GRIP1: variants seen among roughly 807,000 people sequenced by gnomAD.
GRIP1 encodes the protein glutamate receptor-interacting protein 1.
Under a neutral mutation model 129.9 loss-of-function variants are expected in GRIP1, and 45 were observed. The ratio of observed to expected loss-of-function variants is 0.35; its 90% CI spans 0.27 to 0.44. GRIP1 has a LOEUF of 0.44. GRIP1 is among the 20% of genes least tolerant of loss of function. The pLI, the probability that GRIP1 is intolerant of heterozygous loss-of-function variation, is 1.00. For missense variants in GRIP1, 1,196 were observed against 1,396.8 expected (o/e 0.86, Z 2.29); for synonymous variants, 530 against 520.8 (o/e 1.02, Z -0.24).
intron 1 of GRIP1, among the ~76,000 whole-genome samples, chr12:66,624,634 T>C (rs1280026572): frequency 3.3e-5 from 5 of 152,144 alleles, no homozygotes; most frequent in Non-Finnish European, 7.4e-5. Context: ...TGATGGATAA[T>C]AGCATATACA....
At chr12:66,659,381 T>G (rs2033361698) in intron 1 of GRIP1, among the ~76,000 whole-genome samples, 1 of 152,254 alleles carries the variant, frequency 6.6e-6, no homozygotes, top group Non-Finnish European at 1.5e-5. Flanking sequence ...CACCCAGAGT[T>G]TTATCTCACA....
At chr12:66,449,346 G>A (rs950659427) in intron 11 of GRIP1, among the ~76,000 whole-genome samples, 53 of 152,126 alleles carry the variant, frequency 3.5e-4, no homozygotes, top group Non-Finnish European at 1.3e-4. Flanking sequence ...ATGCTGCTGA[G>A]TTACCATAAG....
intron 13 of GRIP1, among the ~76,000 whole-genome samples, chr12:66,434,286 C>A (rs980652591): frequency 6.6e-6 from 1 of 152,142 alleles, no homozygotes; most frequent in Non-Finnish European, 1.5e-5. Flanking sequence ...CTCCCTCCTT[C>A]GCTCTGGTTT....
At chr12:66,478,591 C>T (rs960082697) in intron 7 of GRIP1, among the ~76,000 whole-genome samples, 13 of 152,194 alleles carry the variant, frequency 8.5e-5, no homozygotes, top group South Asian at 4.1e-4. Context: ...ATGTTTATTG[C>T]GGCAGTACTC....
In GRIP1 at chr12:66,761,931, C is replaced by T. The variant is rs190600288; in HGVS notation, c.-420+42122G>A. ...GGGTGAGTCCTGGCTCTACCCCATA[C>T]CAGCTCTGATGTGAACTTGGGCAGG... On this transcript the variant is annotated intron_variant, in intron 1 of 4. Transcript: ENST00000538373. Among the ~76,000 whole-genome samples the T allele has an allele frequency of 9.8e-4, 149 of 152,310 alleles. 1 individual carries two copies. Among genetic ancestry groups the T allele is most frequent in the African/African-American group, 3.4e-3 (142 of 41,566 alleles).
chr12:67,006,392 C>T (rs1423132367), intron 1 of GRIP1, among the ~76,000 whole-genome samples: 1 of 151,958 alleles, frequency 6.6e-6, no homozygotes, highest in African/African-American at 2.4e-5. Flanking sequence ...TAGTGAGACC[C>T]GTCTCTACAA....
intron 15 of GRIP1, 83 bp from the exon 16 acceptor site, chr12:66,406,511 A>T: frequency 7.8e-7 from 1 of 1,283,876 alleles, no homozygotes; most frequent in African/African-American, 1.5e-5. Context: ...ATAATGCAGC[A>T]TTATGGTAGT....
At chr12:67,057,067 C>T (rs534316659) in intron 1 of GRIP1, among the ~76,000 whole-genome samples, 3 of 152,236 alleles carry the variant, frequency 2.0e-5, no homozygotes, top group South Asian at 2.1e-4. Flanking sequence ...ATGCCCACCT[C>T]GGCCTCCCTA....
chr12:66,679,644 T>C (rs1049554191), upstream of GRIP1, among the ~76,000 whole-genome samples: 1 of 152,002 alleles, frequency 6.6e-6, no homozygotes, highest in Non-Finnish European at 1.5e-5. Flanking sequence ...AGGCAGACAA[T>C]CAGGCAGATG....
intron 1 of GRIP1, among the ~76,000 whole-genome samples, chr12:67,045,348 A>G (rs2043238131): frequency 6.6e-6 from 1 of 152,204 alleles, no homozygotes; most frequent in African/African-American, 2.4e-5. Flanking sequence ...GAGTTTTAAG[A>G]AAGCAGGAGA....
chr12:66,654,441 C>T (rs1323547624), intron 1 of GRIP1, among the ~76,000 whole-genome samples: 1 of 152,042 alleles, frequency 6.6e-6, no homozygotes, highest in African/African-American at 2.4e-5. Flanking sequence ...AAATGAAACA[C>T]CATACGCAAA....
intron 1 of GRIP1, among the ~76,000 whole-genome samples, chr12:66,784,086 G>A (rs1272355406): frequency 2.0e-5 from 3 of 152,090 alleles, no homozygotes; most frequent in African/African-American, 7.2e-5. Flanking sequence ...GAAAATGGAC[G>A]AGAAGGCCTC....
intron 1 of GRIP1, among the ~76,000 whole-genome samples, chr12:66,901,383 A>G (rs1427311474): frequency 1.3e-5 from 2 of 152,198 alleles, no homozygotes; most frequent in Non-Finnish European, 2.9e-5. Flanking sequence ...AGGGCATACC[A>G]CTCAATCACT....
intron 7 of GRIP1, among the ~76,000 whole-genome samples, chr12:66,491,891 T>C (rs1349163866): frequency 6.6e-6 from 1 of 152,218 alleles, no homozygotes; most frequent in Non-Finnish European, 1.5e-5. Flanking sequence ...CCTATCATCA[T>C]TCTACAGAAA....
At chr12:66,776,427 G>A (rs918883241) in intron 1 of GRIP1, among the ~76,000 whole-genome samples, 4 of 152,170 alleles carry the variant, frequency 2.6e-5, no homozygotes, top group Admixed American at 6.5e-5. Context: ...GACTTTCACC[G>A]ACAGTTGAAT....
chr12:66,740,567 A>G (rs1474808517), intron 1 of GRIP1, among the ~76,000 whole-genome samples: 1 of 152,234 alleles, frequency 6.6e-6, no homozygotes, highest in Non-Finnish European at 1.5e-5. Flanking sequence ...TGGAAAAACC[A>G]CTTAGCCTTC....
intron 10 of GRIP1, 136 bp from the exon 11 acceptor site, chr12:66,455,700 GC>G: frequency 1.3e-6 from 1 of 762,082 alleles, no homozygotes; most frequent in Non-Finnish European, 2.3e-6. Context: ...CCAGCTAGAG[GC>G]CAGCTCTCAG....
intron 1 of GRIP1, among the ~76,000 whole-genome samples, chr12:66,967,574 A>AC (rs2042015537): frequency 1.3e-5 from 2 of 152,052 alleles, no homozygotes; most frequent in African/African-American, 4.8e-5. Flanking sequence ...CCTGGGTCTC[A>AC]CTATGTTGTT....
At chr12:66,395,442 G>A (rs923279648) in intron 16 of GRIP1, among the ~76,000 whole-genome samples, 7 of 152,190 alleles carry the variant, frequency 4.6e-5, no homozygotes, top group African/African-American at 1.7e-4. Flanking sequence ...GCAGTGAGCA[G>A]CTGTTCGTTT....
Sources: allele counts gnomAD v4.1 joint callset (sites outside exome capture counted in the v4.1 genomes callset), GRCh38; gene constraint gnomAD v4.1.1; transcripts MANE v1.5; gene names NCBI Gene and HGNC (gene_info 2026-07-23, HGNC 2026-07-21).